SGCD: variants seen among roughly 807,000 people sequenced by gnomAD.
SGCD encodes delta-sarcoglycan.
Under a neutral mutation model 36.6 loss-of-function variants are expected in SGCD, and 18 were observed. The observed-to-expected ratio is 0.49, with a 90% CI of 0.34 to 0.73. The LOEUF is 0.73. SGCD is among the 30% of genes least tolerant of loss of function. The probability of loss-of-function intolerance (pLI) is 0.01; values close to 1 mark genes in which losing one functional copy is unlikely to be tolerated. For synonymous variants in SGCD, 133 were observed against 130.6 expected (o/e 1.02, Z -0.12); for missense variants, 387 against 346.7 (o/e 1.12, Z -0.92).
chr5:156,497,488 T>C (rs533433496), intron 3 of SGCD, among the ~76,000 whole-genome samples: 15 of 152,250 alleles, frequency 9.9e-5, no homozygotes, highest in Non-Finnish European at 1.5e-4. Flanking sequence ...CTTGAATCTG[T>C]AAATCATTAA....
chr5:155,766,194 C>T, the SGCD span, among the ~76,000 whole-genome samples: 1 of 152,120 alleles, frequency 6.6e-6, no homozygotes, highest in Non-Finnish European at 1.5e-5. Context: ...CTGCTAGTCT[C>T]AGGGAACAGG....
At chr5:155,881,163 A>G (rs1311098192) in intron 1 of SGCD, among the ~76,000 whole-genome samples, 1 of 152,148 alleles carries the variant, frequency 6.6e-6, no homozygotes, top group Non-Finnish European at 1.5e-5. Flanking sequence ...CACAATTTCC[A>G]TAAATAACAG....
intron 1 of SGCD, among the ~76,000 whole-genome samples, chr5:155,987,995 T>C (rs557432066): frequency 1.3e-5 from 2 of 152,320 alleles, no homozygotes; most frequent in South Asian, 2.1e-4. Flanking sequence ...CTGTCTACCA[T>C]ATGTGGTAGA....
At chr5:156,323,589 A>G (rs1232810345), upstream of SGCD, among the ~76,000 whole-genome samples, 5 of 152,234 alleles carry the variant, frequency 3.3e-5, no homozygotes, top group African/African-American at 9.6e-5. Context: ...CCTTGCCCGC[A>G]TGGAGCTTAT....
chr5:156,331,683 C>T (rs186117269), intron 2 of SGCD, among the ~76,000 whole-genome samples: 53 of 151,920 alleles, frequency 3.5e-4, no homozygotes, highest in African/African-American at 1.3e-3. Context: ...CCTGCTGTTA[C>T]TTGCTGGAGT....
chr5:156,712,050 G>T (rs1458615778), intron 7 of SGCD, among the ~76,000 whole-genome samples: 1 of 152,156 alleles, frequency 6.6e-6, no homozygotes, highest in Non-Finnish European at 1.5e-5. Flanking sequence ...ATGCCAACCA[G>T]AGGTCACTTT....
At chr5:155,808,735 A>G in the SGCD span, among the ~76,000 whole-genome samples, 1 of 152,238 alleles carries the variant, frequency 6.6e-6, no homozygotes, top group Admixed American at 6.5e-5. Flanking sequence ...CAAACCTGTC[A>G]TAAAATAGTA....
chr5:155,787,418 A>G, the SGCD span, among the ~76,000 whole-genome samples: 1 of 152,128 alleles, frequency 6.6e-6, no homozygotes, highest in African/African-American at 2.4e-5. Flanking sequence ...TTATTGTTTA[A>G]TATCACTTTT....
chr5:156,674,861 A>G (rs1753445519), intron 7 of SGCD, among the ~76,000 whole-genome samples: 1 of 152,212 alleles, frequency 6.6e-6, no homozygotes, highest in Admixed American at 6.5e-5. Flanking sequence ...ATAAATTTCA[A>G]GAGGGCGTTT....
At chr5:156,624,462 T>A (rs1395212349) in intron 6 of SGCD, among the ~76,000 whole-genome samples, 1 of 152,120 alleles carries the variant, frequency 6.6e-6, no homozygotes, top group Non-Finnish European at 1.5e-5. Flanking sequence ...GCGCCTGTAG[T>A]TCCAGCTACT....
rs1766384367 is a variant in SGCD, at chr5:156,279,006, T to A, written c.-43-50528T>A. ...ATTATCACAACTGGAGAGGTGCTAA[T>A]GGCATCTAGTGGGTAGAGGCCAGGA... On this transcript the variant is annotated intron_variant, in intron 3 of 9. Coordinates refer to the SGCD transcript ENST00000517913. Among the ~76,000 whole-genome samples, 3 of 152,234 alleles carry A rather than the reference T, an allele frequency of 2.0e-5. No homozygotes were observed. In the South Asian group the frequency reaches 6.2e-4, roughly 31 times the overall value.
At chr5:156,729,555 C>G (rs1202470584) in intron 7 of SGCD, among the ~76,000 whole-genome samples, 1 of 152,176 alleles carries the variant, frequency 6.6e-6, no homozygotes, top group Admixed American at 6.5e-5. Flanking sequence ...TCTTGGAATA[C>G]AAGAAGCACT....
intron 1 of SGCD, among the ~76,000 whole-genome samples, chr5:156,022,082 A>G (rs73302947): frequency 6.6e-6 from 1 of 152,118 alleles, no homozygotes; most frequent in African/African-American, 2.4e-5. Flanking sequence ...TTCTGTCTCT[A>G]CAGATTTGCC....
At chr5:156,020,900 G>A (rs1038072844) in intron 1 of SGCD, among the ~76,000 whole-genome samples, 26 of 152,118 alleles carry the variant, frequency 1.7e-4, no homozygotes, top group Non-Finnish European at 2.9e-4. Context: ...TCTTGCACTC[G>A]GCTGGCCTTC....
At chr5:156,430,692 G>A (rs1455771022) in intron 3 of SGCD, among the ~76,000 whole-genome samples, 7 of 151,908 alleles carry the variant, frequency 4.6e-5, no homozygotes, top group Non-Finnish European at 1.0e-4. Flanking sequence ...CTCAACGATT[G>A]GACTTTAATG....
intron 3 of SGCD, among the ~76,000 whole-genome samples, chr5:156,443,758 A>G (rs774452469): frequency 6.6e-6 from 1 of 152,102 alleles, no homozygotes; most frequent in African/African-American, 2.4e-5. Context: ...ATGAGGGGGT[A>G]ATTTGTCATG....
chr5:155,908,058 A>G (rs1477232817), intron 1 of SGCD, among the ~76,000 whole-genome samples: 2 of 152,190 alleles, frequency 1.3e-5, no homozygotes, highest in Admixed American at 6.6e-5. Flanking sequence ...ACCCTCTGCC[A>G]GCAAAAAGAT....
At chr5:156,701,245 A>C (rs1280508803) in intron 7 of SGCD, among the ~76,000 whole-genome samples, 1 of 152,228 alleles carries the variant, frequency 6.6e-6, no homozygotes, top group African/African-American at 2.4e-5. Context: ...TTGCTGTCTC[A>C]GTAAATGGCA....
chr5:156,396,195 C>T (rs1771840531), intron 3 of SGCD, among the ~76,000 whole-genome samples: 2 of 152,138 alleles, frequency 1.3e-5, no homozygotes, highest in African/African-American at 2.4e-5. Flanking sequence ...AGAGATTCGG[C>T]GTGGGCAAAG....
Sources: gnomAD v4.1 joint callset for allele counts (sites outside exome capture counted in the v4.1 genomes callset) on GRCh38, gnomAD v4.1.1 for gene constraint, MANE v1.5 for transcripts, NCBI Gene and HGNC (gene_info 2026-07-23, HGNC 2026-07-21) for gene names.